TENM4: variants seen among roughly 807,000 people sequenced by gnomAD.
TENM4 encodes the protein teneurin transmembrane protein 4, also known as teneurin-4.
In TENM4, 82 loss-of-function variants were observed where a neutral mutation model predicts 243.3. That is an observed-to-expected ratio of 0.34 (90% CI 0.28 to 0.40). TENM4 has a LOEUF of 0.40. TENM4 is among the 10% of genes least tolerant of loss of function. The pLI, the probability that TENM4 is intolerant of heterozygous loss-of-function variation, is 1.00. For missense variants in TENM4, 3,138 were observed against 3,673.3 expected, an observed-to-expected ratio of 0.85 and a Z score of 3.77; for synonymous variants, 1,412 against 1,456.3, an observed-to-expected ratio of 0.97 and a Z score of 0.69.
At chr11:78,851,272 A>C (rs1187634257) in intron 12 of TENM4, among the ~76,000 whole-genome samples, 1 of 152,206 alleles carries the variant, frequency 6.6e-6, no homozygotes, top group Non-Finnish European at 1.5e-5. Context: ...TCTGAGAAGC[A>C]CGGTATGACC....
intron 13 of TENM4, among the ~76,000 whole-genome samples, chr11:78,814,002 G>T (rs982346337): frequency 6.6e-6 from 1 of 152,120 alleles, no homozygotes; most frequent in East Asian, 1.9e-4. Flanking sequence ...AACCCCCACT[G>T]CCACTCCACC....
chr11:78,968,342 T>C (rs1040652694), intron 6 of TENM4, among the ~76,000 whole-genome samples: 2 of 152,206 alleles, frequency 1.3e-5, no homozygotes, highest in Non-Finnish European at 2.9e-5. Flanking sequence ...TGGAGTGTCA[T>C]GGAACAATCT....
chr11:78,824,277 G>A (rs1857800976), intron 12 of TENM4, among the ~76,000 whole-genome samples: 1 of 152,146 alleles, frequency 6.6e-6, no homozygotes, highest in Non-Finnish European at 1.5e-5. Context: ...GGAGACCACT[G>A]GAAGCTTAGA....
intron 3 of TENM4, among the ~76,000 whole-genome samples, chr11:79,187,018 C>T (rs775611901): frequency 6.6e-6 from 1 of 152,206 alleles, no homozygotes; most frequent in Non-Finnish European, 1.5e-5. Flanking sequence ...GTAATTTATA[C>T]AAGATATTTG....
intron 12 of TENM4, among the ~76,000 whole-genome samples, chr11:78,816,784 G>C (rs1857612224): frequency 6.6e-6 from 1 of 152,204 alleles, no homozygotes; most frequent in Non-Finnish European, 1.5e-5. Flanking sequence ...TACTACATTA[G>C]ATACAAGCCT....
intron 2 of TENM4, among the ~76,000 whole-genome samples, chr11:79,247,274 G>T (rs1057222174): frequency 6.6e-6 from 1 of 151,884 alleles, no homozygotes; most frequent in Non-Finnish European, 1.5e-5. Flanking sequence ...AAAATTAGCC[G>T]GGCATGGTGG....
Position 78,702,243 on chromosome 11 carries a change from A to G in TENM4, c.4370T>C (p.Leu1457Pro). ...HCQVPGIDHFLLSKVAIHATL... is the reference protein window; with the variant it reads ...HCQVPGIDHFPLSKVAIHATL... ...TGCGTGGATGGCCACCTTGCTTAGCAGGAAGTGGTCAATGCCAGGGACCTG... is the reference window on the plus strand; with the variant it reads ...TGCGTGGATGGCCACCTTGCTTAGCGGGAAGTGGTCAATGCCAGGGACCTG... The change falls in exon 28 of 34, where the codon CTG (leucine) becomes CCG (proline). Residue 1457 changes from leucine (L) to proline (P), a missense_variant. Physicochemically the swap from Leu to Pro is moderately conservative, Grantham distance 98. Transcript: ENST00000278550. 6.2e-7 allele frequency: 1 copy of G among 1,614,062 alleles called. No homozygotes were observed. Among genetic ancestry groups the G allele is most frequent in the Non-Finnish European group, 8.5e-7 (1 of 1,179,910 alleles).
chr11:79,040,363 G>C (rs1859489361), intron 6 of TENM4, among the ~76,000 whole-genome samples: 1 of 152,110 alleles, frequency 6.6e-6, no homozygotes. Context: ...CTTCCTCACT[G>C]ACTGCCTTTG....
intron 6 of TENM4, among the ~76,000 whole-genome samples, chr11:78,995,639 G>A (rs1165342734): frequency 1.3e-5 from 2 of 151,860 alleles, no homozygotes; most frequent in African/African-American, 4.8e-5. Context: ...GGTAAGTGGT[G>A]GGTGGAAAAG....
At chr11:78,737,000 T>C (rs945212350) in intron 20 of TENM4, among the ~76,000 whole-genome samples, 3 of 152,168 alleles carry the variant, frequency 2.0e-5, no homozygotes, top group Non-Finnish European at 2.9e-5. Context: ...GCCACTGAAC[T>C]TATGCCAGAC....
At chr11:79,027,974 G>C (rs1027776186) in intron 6 of TENM4, among the ~76,000 whole-genome samples, 4 of 152,146 alleles carry the variant, frequency 2.6e-5, no homozygotes, top group Non-Finnish European at 2.9e-5. Context: ...AGGTCATAAA[G>C]CTAGCACATG....
chr11:79,351,460 C>G (rs931885147), intron 1 of TENM4, among the ~76,000 whole-genome samples: 1 of 152,130 alleles, frequency 6.6e-6, no homozygotes, highest in Non-Finnish European at 1.5e-5. Context: ...AATCCCAGAA[C>G]TTTGGAAGGC....
At position 78,954,927 on chromosome 11, in the gene TENM4, G is replaced by A. The variant is rs543893911; in HGVS notation, c.494-51404C>T. Among the ~76,000 whole-genome samples, 33 of 152,368 alleles carry A rather than the reference G, an allele frequency of 2.2e-4. 1 individual carries two copies. The South Asian group carries it at 6.8e-3, about 32-fold the overall frequency. On this transcript the variant is annotated intron_variant, in intron 6 of 33. Transcript: ENST00000278550. ...GAACCAACAGATGAGCCTTTTGCAA[G>A]GTGACACAGCAGGCTAGAGGCAGAA... is the stretch of plus-strand genomic sequence containing the variant.
chr11:79,388,884 A>G (rs1858171473), intron 1 of TENM4, among the ~76,000 whole-genome samples: 2 of 152,174 alleles, frequency 1.3e-5, no homozygotes, highest in African/African-American at 2.4e-5. Context: ...TTAATGGAGG[A>G]AAACTGGGAT....
chr11:79,242,681 C>A (rs1855445870), intron 2 of TENM4, among the ~76,000 whole-genome samples: 1 of 152,216 alleles, frequency 6.6e-6, no homozygotes, highest in Admixed American at 6.5e-5. Flanking sequence ...ATTTACCTAA[C>A]CAATTCCCTA....
chr11:79,240,735 T>C (rs1864573484), intron 2 of TENM4, among the ~76,000 whole-genome samples: 1 of 152,208 alleles, frequency 6.6e-6, no homozygotes, highest in South Asian at 2.1e-4. Context: ...CATCTTAGCC[T>C]GGGGTCTTTT....
rs372822859 is a variant in TENM4, at chr11:78,708,515, C to T, written c.4055G>A (p.Gly1352Asp). 6.2e-6 allele frequency: 10 copies of T among 1,613,454 alleles called. No homozygotes were observed. The highest frequency in any genetic ancestry group is 8.5e-6 in the Non-Finnish European group (10 of 1,179,722). ...CAGCCCAAACTTGTCCACTGTAATGCCTGGGGGCAGAGAAGCCAAAACAGG... is the reference window on the plus strand; with the variant it reads ...CAGCCCAAACTTGTCCACTGTAATGTCTGGGGGCAGAGAAGCCAAAACAGG... ...ATEATLTNPRGITVDKFGLIY... is the reference protein window; with the variant it reads ...ATEATLTNPRDITVDKFGLIY... The change falls in exon 27 of 34, where the codon GGC becomes GAC. Residue 1352 changes from glycine to aspartate, a missense_variant and splice_region_variant. Physicochemically the swap from Gly to Asp is moderately conservative, Grantham distance 94. Around this residue, in one of 2 missense-constraint regions of TENM4, gnomAD observed 2,467 missense variants for 3,059.1 expected, o/e 0.81. Coordinates refer to ENST00000278550, the MANE Select transcript of TENM4 (RefSeq NM_001098816.3).
chr11:78,998,234 G>C (rs11237678), intron 6 of TENM4, among the ~76,000 whole-genome samples: 11,299 of 152,258 alleles, frequency 0.074, 807 homozygotes, highest in East Asian at 0.26. Flanking sequence ...CAGAAATCCA[G>C]GCTGAAAACC....
intron 2 of TENM4, among the ~76,000 whole-genome samples, chr11:79,276,527 T>C (rs1321875021): frequency 1.3e-5 from 2 of 152,204 alleles, no homozygotes; most frequent in Non-Finnish European, 2.9e-5. Context: ...TAGGGATACA[T>C]CCGGCATGCA....
Sources: allele counts gnomAD v4.1 joint callset (sites outside exome capture counted in the v4.1 genomes callset), GRCh38; gene constraint gnomAD v4.1.1; regional missense constraint gnomAD v4.1.1; transcripts MANE v1.5; gene names NCBI Gene and HGNC (gene_info 2026-07-23, HGNC 2026-07-21).